Variants in LRRC53 observed in about 807,000 individuals in gnomAD.
The protein encoded by LRRC53 is leucine rich repeat containing 53.
In LRRC53, 25 loss-of-function variants were observed where a neutral mutation model predicts 13.6. The observed-to-expected ratio is 1.83, with a 90% CI of 1.34 to 2.56. The LOEUF (loss-of-function observed/expected upper bound fraction) is 2.56, where lower values mean the gene tolerates loss of function less well. Ranked by LOEUF, LRRC53 falls within the 30% of genes most tolerant of loss-of-function variation. The probability of loss-of-function intolerance (pLI) is 0.00; values close to 1 mark genes in which losing one functional copy is unlikely to be tolerated. For missense variants in LRRC53, 527 were observed against 275.8 expected (o/e 1.91, Z -6.45); for synonymous variants, 204 against 109.8 (o/e 1.86, Z -5.37).
chr1:74,491,766 A>G (rs747091039), intron 1 of LRRC53, among the ~76,000 whole-genome samples: 1 of 152,238 alleles, frequency 6.6e-6, no homozygotes, highest in Admixed American at 6.5e-5. Context: ...TCTTATTGCC[A>G]TAGTGAAGAA....
At chr1:74,489,807 G>T (rs185277749) in intron 1 of LRRC53, among the ~76,000 whole-genome samples, 107 of 151,982 alleles carry the variant, frequency 7.0e-4, no homozygotes, top group Middle Eastern at 3.4e-3. Flanking sequence ...CTACACACCT[G>T]GTCAAGAGAT....
At chr1:74,534,330 A>T in the LRRC53 span, among the ~76,000 whole-genome samples, 1 of 152,304 alleles carries the variant, frequency 6.6e-6, no homozygotes, top group South Asian at 2.1e-4. Context: ...TAAAAAAATG[A>T]TTCCTTTTGG....
upstream of LRRC53, among the ~76,000 whole-genome samples, chr1:74,515,953 T>A (rs1015520439): frequency 1.3e-5 from 2 of 152,186 alleles, no homozygotes; most frequent in African/African-American, 4.8e-5. Flanking sequence ...CTGACTCAGT[T>A]GAGAAGAAGG....
At chr1:74,492,090 C>T (rs376405830) in intron 1 of LRRC53, 2 of 1,532,806 alleles carry the variant, frequency 1.3e-6, no homozygotes, top group African/African-American at 2.7e-5. Flanking sequence ...GCCCCTCCTC[C>T]ACTCAGCTGA....
the LRRC53 span, among the ~76,000 whole-genome samples, chr1:74,528,231 G>A: frequency 6.6e-6 from 1 of 152,156 alleles, no homozygotes; most frequent in African/African-American, 2.4e-5. Context: ...TGGAGCATAA[G>A]GGTGGTGAAG....
chr1:74,480,957 T>C lies in LRRC53; in HGVS notation c.100A>G (p.Thr34Ala), dbSNP rs1352068270. Residue 34 changes from threonine (T) to alanine (A), a missense_variant, in exon 3 of 5, where the codon ACC becomes GCC. Physicochemically the swap from Thr to Ala is moderately conservative, Grantham distance 58. Transcript: ENST00000294635. The part of the protein sequence containing the change: ...QLTYIVAAPM[T>A]TRVLIITDGY... Reference sequence around the variant, plus strand: ...TCGGTGATGATTAAAACCCTCGTGGTCATAGGGGCTGCTGTGGGGAAAAAA... The same window carrying C: ...TCGGTGATGATTAAAACCCTCGTGGCCATAGGGGCTGCTGTGGGGAAAAAA... The C allele has an allele frequency of 1.4e-6, 1 of 712,932 alleles. No homozygotes were observed. The highest frequency in any genetic ancestry group is 1.7e-5 in the African/African-American group (1 of 57,174). 44.2% of individuals were successfully genotyped at this position (712,932 alleles called of 1,614,324 possible). A position where few individuals can be genotyped will look rare whatever the true frequency, so the allele number is the denominator to read the frequency against.
upstream of LRRC53, among the ~76,000 whole-genome samples, chr1:74,513,263 A>G (rs1186341363): frequency 6.7e-6 from 1 of 149,804 alleles, no homozygotes; most frequent in Non-Finnish European, 1.5e-5. Context: ...TTGAGAAATT[A>G]TACCGGGATG....
chr1:74,481,378 C>T (rs1256309111), intron 2 of LRRC53, among the ~76,000 whole-genome samples: 2 of 152,146 alleles, frequency 1.3e-5, no homozygotes. Flanking sequence ...GTGTCTGACC[C>T]CCATAGTCAG....
chr1:74,471,548 A>C lies in LRRC53; in HGVS notation c.2074T>G (p.Phe692Val). 2.5e-6 allele frequency: 1 copy of C among 400,584 alleles called. No individual in the cohort carries two copies. The allele number at this position is 400,584 out of a possible 1,614,324, so 24.8% of individuals were successfully genotyped here. A position where few individuals can be genotyped will look rare whatever the true frequency, so the allele number is the denominator to read the frequency against. Reference sequence around the variant, plus strand: ...CTTTTCAGAACCCATGAATTAGTAAACCATTTTTCTCCTTTGTTTCTCTCC... The same window carrying C: ...CTTTTCAGAACCCATGAATTAGTAACCCATTTTTCTCCTTTGTTTCTCTCC... ...TGERNKGEKW[F>V]TNSWVLKRKR... The change falls in exon 5 of 5, where the codon TTT (phenylalanine) becomes GTT (valine). Residue 692 changes from phenylalanine to valine, a missense_variant. By Grantham distance (50) the Phe-to-Val change is conservative. Coordinates refer to ENST00000294635, the MANE Select transcript of LRRC53 (RefSeq NM_001382280.1).
chr1:74,483,877 A>G (rs1259786821), intron 1 of LRRC53, among the ~76,000 whole-genome samples: 1 of 152,182 alleles, frequency 6.6e-6, no homozygotes, highest in Non-Finnish European at 1.5e-5. Flanking sequence ...CTTACTCCTT[A>G]TAGATTTAAA....
At chr1:74,518,866 TTTTTC>T in the LRRC53 span, among the ~76,000 whole-genome samples, 1 of 35,636 alleles carries the variant, frequency 2.8e-5, no homozygotes, top group Non-Finnish European at 4.5e-5. Flanking sequence ...TATTTTATTT[TTTTTC>T]CCCTTTTTTT....
chr1:74,485,062 C>G (rs572848134), intron 1 of LRRC53, among the ~76,000 whole-genome samples: 1 of 152,216 alleles, frequency 6.6e-6, no homozygotes, highest in Non-Finnish European at 1.5e-5. Flanking sequence ...ATGGAATGTG[C>G]TAGGTGTCTA....
intron 1 of LRRC53, among the ~76,000 whole-genome samples, chr1:74,496,911 C>A (rs1042796638): frequency 5.3e-5 from 8 of 151,954 alleles, no homozygotes; most frequent in African/African-American, 1.9e-4. Context: ...ATGTGAAAAC[C>A]AATTAGTGTT....
chr1:74,526,179 G>T, the LRRC53 span, among the ~76,000 whole-genome samples: 1 of 152,188 alleles, frequency 6.6e-6, no homozygotes, highest in African/African-American at 2.4e-5. Flanking sequence ...AGACTGGCTT[G>T]TCATAAAGAA....
intron 3 of LRRC53, among the ~76,000 whole-genome samples, chr1:74,478,082 T>G (rs1159412076): frequency 6.6e-6 from 1 of 152,164 alleles, no homozygotes; most frequent in Non-Finnish European, 1.5e-5. Context: ...AAGAAGAAAA[T>G]GGTCTCATAG....
the LRRC53 span, among the ~76,000 whole-genome samples, chr1:74,527,656 G>A: frequency 2.0e-5 from 3 of 152,304 alleles, no homozygotes; most frequent in South Asian, 6.2e-4. Context: ...AGGGTGTTAG[G>A]GTGTTGATCT....
chr1:74,484,169 G>T (rs575284189), intron 1 of LRRC53, among the ~76,000 whole-genome samples: 2 of 147,862 alleles, frequency 1.4e-5, no homozygotes, highest in African/African-American at 5.0e-5. Context: ...TGAATTTTAT[G>T]TTCAAAAAAG....
intron 4 of LRRC53, among the ~76,000 whole-genome samples, chr1:74,473,893 A>G (rs1268995536): frequency 1.3e-5 from 2 of 152,128 alleles, no homozygotes. Context: ...AGTCCTCTCT[A>G]CACTGGAAAG....
intron 1 of LRRC53, among the ~76,000 whole-genome samples, chr1:74,486,648 G>C (rs1668784144): frequency 6.6e-6 from 1 of 151,618 alleles, no homozygotes; most frequent in Non-Finnish European, 1.5e-5. Flanking sequence ...TCTGGAAGTT[G>C]TTTTTTAAAG....
Sources: gnomAD v4.1 joint callset for allele counts (sites outside exome capture counted in the v4.1 genomes callset) on GRCh38, gnomAD v4.1.1 for gene constraint, MANE v1.5 for transcripts, NCBI Gene and HGNC (gene_info 2026-07-23, HGNC 2026-07-21) for gene names.